The following PRKN variants were observed in gnomAD, a reference collection of about 807,000 sequenced individuals.
PRKN encodes the protein parkin RBR E3 ubiquitin protein ligase.
PRKN carries 56 observed loss-of-function variants against 59.5 expected under a neutral mutation model. The observed-to-expected ratio is 0.94, with a 90% CI of 0.76 to 1.18. The LOEUF is 1.18. PRKN is among the 50% of genes most tolerant of loss of function. The pLI is 0.00. For missense variants in PRKN, 657 were observed against 596.4 expected, an observed-to-expected ratio of 1.10 and a Z score of -1.06; for synonymous variants, 250 against 222.1, an observed-to-expected ratio of 1.13 and a Z score of -1.12.
In PRKN at chr6:161,607,348, C is replaced by G. The variant is rs1031622147; in HGVS notation, c.872-37932G>C. Reference sequence around the variant, plus strand: ...TGAAGACAAGACATCTGGAGAAAGTCTTCAGTACCAAAGGTAAGAGACTCC... The same window carrying G: ...TGAAGACAAGACATCTGGAGAAAGTGTTCAGTACCAAAGGTAAGAGACTCC... On this transcript the variant is annotated intron_variant, in intron 7 of 11. Coordinates refer to ENST00000366898, the MANE Select transcript of PRKN (RefSeq NM_004562.3). Among the ~76,000 whole-genome samples, 4 of 152,134 alleles carry G rather than the reference C, an allele frequency of 2.6e-5. No individual in the cohort carries two copies. The East Asian group carries it at 7.7e-4, about 29-fold the overall frequency.
chr6:161,598,931 G>C (rs1782013983), intron 7 of PRKN, among the ~76,000 whole-genome samples: 1 of 152,212 alleles, frequency 6.6e-6, no homozygotes, highest in Non-Finnish European at 1.5e-5. Flanking sequence ...ATAAGGTCAT[G>C]AGGGTGGGCC....
chr6:162,483,175 C>T (rs1683927393), intron 1 of PRKN, among the ~76,000 whole-genome samples: 1 of 152,080 alleles, frequency 6.6e-6, no homozygotes, highest in Admixed American at 6.6e-5. Flanking sequence ...CTGCCATATG[C>T]ACAAAACCCA....
chr6:161,410,546 G>A lies in PRKN; in HGVS notation c.1084-23669C>T, dbSNP rs1787486704. The stretch of plus-strand genomic sequence containing the variant: ...GCCCTGCTCCTGGCAGATACTCTAA[G>A]GAGCCCGGGTCTGAGCTGGACACAC... On this transcript the variant is annotated intron_variant, in intron 9 of 11. Transcript: ENST00000366898. The surrounding 1 kb of genome is among the most constrained non-coding windows in gnomAD (Gnocchi z 5.3). Among the ~76,000 whole-genome samples, 1 of 152,160 alleles carries A rather than the reference G, an allele frequency of 6.6e-6. No homozygotes were observed. The highest frequency in any genetic ancestry group is 2.1e-4 in the South Asian group (1 of 4,826).
At chr6:161,816,672 G>A (rs1180426121) in intron 6 of PRKN, among the ~76,000 whole-genome samples, 4 of 151,436 alleles carry the variant, frequency 2.6e-5, no homozygotes, top group African/African-American at 4.9e-5. Flanking sequence ...AGGTTGCAGT[G>A]AGCCGAGATC....
rs114825516 is a variant in PRKN at position 161,728,697 on chromosome 6, C to T, written c.871+57075G>A. Among the ~76,000 whole-genome samples the T allele has an allele frequency of 6.1e-3, 921 of 152,156 alleles. 8 individuals carry two copies. The highest frequency in any genetic ancestry group is 0.021 in the African/African-American group (857 of 41,508). On this transcript the variant is annotated intron_variant, in intron 7 of 11. Coordinates refer to ENST00000366898, the MANE Select transcript of PRKN (RefSeq NM_004562.3). ...TTTGGGCTTTTGAACCCAGCAATGC[C>T]CTCAGGAGCGAGGGGTGAGGGGCAT...
chr6:162,143,402 C>T (rs565963756), intron 4 of PRKN, among the ~76,000 whole-genome samples: 5 of 152,028 alleles, frequency 3.3e-5, no homozygotes, highest in African/African-American at 1.2e-4. Flanking sequence ...CAAGAGGTGA[C>T]CTTGGGAAAA....
intron 4 of PRKN, among the ~76,000 whole-genome samples, chr6:162,151,206 G>A (rs1037287408): frequency 2.0e-5 from 3 of 152,156 alleles, no homozygotes; most frequent in Admixed American, 6.5e-5. Context: ...CTCCACACTC[G>A]TAAGTGGGTC....
intron 7 of PRKN, among the ~76,000 whole-genome samples, chr6:161,606,088 C>A (rs1782271565): frequency 6.6e-6 from 1 of 152,102 alleles, no homozygotes; most frequent in Non-Finnish European, 1.5e-5. Flanking sequence ...TTTTCATGGA[C>A]AGAGACTGTT....
intron 2 of PRKN, among the ~76,000 whole-genome samples, chr6:162,395,543 C>T (rs1253201476): frequency 6.6e-6 from 1 of 152,172 alleles, no homozygotes; most frequent in Non-Finnish European, 1.5e-5. Context: ...AATCAAGAAT[C>T]GCCCAGCAGT....
chr6:162,436,118 G>A (rs1389770945), intron 2 of PRKN, among the ~76,000 whole-genome samples: 3 of 126,394 alleles, frequency 2.4e-5, no homozygotes, highest in Admixed American at 2.0e-4. Context: ...AGAGGTTGCA[G>A]TGAGCCAAGA....
At chr6:161,973,927 A>G (rs1321723794) in intron 5 of PRKN, among the ~76,000 whole-genome samples, 4 of 152,162 alleles carry the variant, frequency 2.6e-5, no homozygotes, top group Admixed American at 6.5e-5. Flanking sequence ...AGAGAGCCCT[A>G]CTGTAAATAG....
chr6:161,435,274 C>T (rs769428609), intron 9 of PRKN, among the ~76,000 whole-genome samples: 6 of 152,126 alleles, frequency 3.9e-5, no homozygotes, highest in Non-Finnish European at 7.4e-5. Flanking sequence ...GCATTATAAG[C>T]GGTTACATTC....
intron 10 of PRKN, among the ~76,000 whole-genome samples, chr6:161,367,919 A>G (rs762889057): frequency 1.3e-5 from 2 of 152,134 alleles, no homozygotes; most frequent in Non-Finnish European, 2.9e-5. Context: ...GTCTCAGAAA[A>G]CTAAATAACT....
intron 4 of PRKN, among the ~76,000 whole-genome samples, chr6:162,132,505 A>G (rs1781405505): frequency 6.6e-6 from 1 of 152,216 alleles, no homozygotes; most frequent in Non-Finnish European, 1.5e-5. Context: ...TACACGATGG[A>G]CATAATAACT....
rs537129413 is a variant in PRKN, at chr6:162,402,637, T to C, written c.171+40673A>G. On this transcript the variant is annotated intron_variant, in intron 2 of 11. Transcript: ENST00000366898. Reference sequence around the variant, plus strand: ...GGGGTTTGTGTCTTTCCTTGTCATATATATATATATTTCTTTTATTTCCTT... The same window carrying C: ...GGGGTTTGTGTCTTTCCTTGTCATACATATATATATTTCTTTTATTTCCTT... Among the ~76,000 whole-genome samples, 4 of 150,008 alleles carry C rather than the reference T, an allele frequency of 2.7e-5. No homozygotes were observed. In the Admixed American group the frequency reaches 2.7e-4, roughly 10 times the overall value.
chr6:161,396,926 C>T lies in PRKN; in HGVS notation c.1084-10049G>A, dbSNP rs1786786734. On this transcript the variant is annotated intron_variant, in intron 9 of 11. Transcript: ENST00000366898. The surrounding 1 kb of genome is among the most constrained non-coding windows in gnomAD (Gnocchi z 5.4). ...TTTGTCTTTGGAGGTTTTGCAGCTCCTCAATGATCAATCAATCAATCAGTC... is the reference window on the plus strand; with the variant it reads ...TTTGTCTTTGGAGGTTTTGCAGCTCTTCAATGATCAATCAATCAATCAGTC... Among the ~76,000 whole-genome samples the T allele has an allele frequency of 6.6e-6, 1 of 152,184 alleles. No individual in the cohort carries two copies. Among genetic ancestry groups the T allele is most frequent in the Non-Finnish European group, 1.5e-5 (1 of 68,048 alleles).
intron 4 of PRKN, among the ~76,000 whole-genome samples, chr6:162,117,913 G>A (rs1382579563): frequency 1.3e-5 from 2 of 151,940 alleles, no homozygotes; most frequent in South Asian, 2.1e-4. Context: ...CCTGGCCAAC[G>A]TGGGGAAACC....
chr6:161,892,498 A>G (rs755487354), intron 6 of PRKN, among the ~76,000 whole-genome samples: 82 of 152,066 alleles, frequency 5.4e-4, no homozygotes, highest in Non-Finnish European at 1.1e-3. Flanking sequence ...TGGGTATCAC[A>G]GGTAAGAACT....
intron 3 of PRKN, among the ~76,000 whole-genome samples, chr6:162,241,896 T>C (rs1423802720): frequency 6.6e-6 from 1 of 152,050 alleles, no homozygotes; most frequent in Non-Finnish European, 1.5e-5. Context: ...GAATTCCTTC[T>C]AGAAGGAATT....
Sources: gnomAD v4.1 joint callset for allele counts (sites outside exome capture counted in the v4.1 genomes callset) on GRCh38, gnomAD v4.1.1 for gene constraint, Gnocchi (gnomAD v3.1) non-coding constraint, MANE v1.5 for transcripts, NCBI Gene and HGNC (gene_info 2026-07-23, HGNC 2026-07-21) for gene names.